The following SIK3 variants were observed in gnomAD, a reference collection of about 807,000 sequenced individuals.
SIK3 encodes the protein serine/threonine-protein kinase SIK3.
Under a neutral mutation model 144.2 loss-of-function variants are expected in SIK3, and 28 were observed. That is an observed-to-expected ratio of 0.19 (90% CI 0.14 to 0.27). The LOEUF (loss-of-function observed/expected upper bound fraction) is 0.27. SIK3 is among the 10% of genes least tolerant of loss of function. SIK3 has a pLI of 1.00. For synonymous variants in SIK3, 686 were observed against 676.3 expected (o/e 1.01, Z -0.22); for missense variants, 1,319 against 1,776.0 (o/e 0.74, Z 4.62).
chr11:116,851,471 G>A (rs1310177224), intron 21 of SIK3, among the ~76,000 whole-genome samples: 1 of 152,172 alleles, frequency 6.6e-6, no homozygotes, highest in East Asian at 1.9e-4. Flanking sequence ...ATTAAGGTTA[G>A]GCTGGGACTT....
chr11:116,865,269 T>C (rs1331533335), intron 15 of SIK3, among the ~76,000 whole-genome samples: 3 of 152,312 alleles, frequency 2.0e-5, no homozygotes, highest in African/African-American at 7.2e-5. Context: ...GTTCTTCAAG[T>C]AGCAATACAG....
intron 1 of SIK3, among the ~76,000 whole-genome samples, chr11:116,964,519 G>A (rs1949454412): frequency 1.3e-5 from 2 of 152,108 alleles, no homozygotes; most frequent in Non-Finnish European, 2.9e-5. Context: ...ACTCTACATG[G>A]CCAGCAAAGA....
intron 12 of SIK3, 119 bp from the exon 13 acceptor site, chr11:116,873,755 C>T (rs1280881837): frequency 9.6e-6 from 14 of 1,457,840 alleles, no homozygotes; most frequent in South Asian, 5.5e-5. Flanking sequence ...GACTAGAGGA[C>T]GCTTCCCGCT....
intron 6 of SIK3, among the ~76,000 whole-genome samples, chr11:116,883,405 T>TA: frequency 6.6e-6 from 1 of 152,304 alleles, no homozygotes; most frequent in East Asian, 1.9e-4. Context: ...CAGAAATAAT[T>TA]AAAAAGTAAA....
At chr11:116,991,430 G>A (rs549920214) in intron 1 of SIK3, among the ~76,000 whole-genome samples, 2 of 152,306 alleles carry the variant, frequency 1.3e-5, no homozygotes, top group East Asian at 3.9e-4. Flanking sequence ...ATGGGCAATA[G>A]AGCAAGGCGC....
intron 1 of SIK3, among the ~76,000 whole-genome samples, chr11:116,969,465 A>G (rs1949691547): frequency 6.6e-6 from 1 of 152,126 alleles, no homozygotes; most frequent in African/African-American, 2.4e-5. Flanking sequence ...ATAATGTCAT[A>G]ATAAAACTAA....
intron 3 of SIK3, among the ~76,000 whole-genome samples, chr11:116,936,016 T>C (rs1457156438): frequency 1.3e-5 from 2 of 152,206 alleles, no homozygotes; most frequent in Non-Finnish European, 2.9e-5. Context: ...GGCTCACACC[T>C]GTGATCCCAG....
chr11:117,038,452 G>C (rs1952606002), intron 1 of SIK3, among the ~76,000 whole-genome samples: 5 of 151,062 alleles, frequency 3.3e-5, no homozygotes, highest in Middle Eastern at 3.2e-3. Flanking sequence ...TGCCTCCCAG[G>C]TTCAAGCGAT....
intron 1 of SIK3, among the ~76,000 whole-genome samples, chr11:116,975,985 T>C (rs1287193891): frequency 1.3e-5 from 2 of 152,208 alleles, no homozygotes; most frequent in Non-Finnish European, 2.9e-5. Flanking sequence ...AATCTTTCCA[T>C]GTGTTTGTGG....
chr11:116,941,965 A>G (rs946170545), intron 3 of SIK3, among the ~76,000 whole-genome samples: 2 of 152,214 alleles, frequency 1.3e-5, no homozygotes, highest in African/African-American at 4.8e-5. Flanking sequence ...CCTTCATAAT[A>G]TAAGGCTGAA....
At chr11:117,070,603 C>G (rs1045271007) in intron 1 of SIK3, among the ~76,000 whole-genome samples, 1 of 152,102 alleles carries the variant, frequency 6.6e-6, no homozygotes, top group East Asian at 1.9e-4. Flanking sequence ...CCCGCCATCA[C>G]ACGAGCTAAT....
chr11:116,923,612 T>C (rs1310907758), intron 4 of SIK3, among the ~76,000 whole-genome samples: 1 of 152,230 alleles, frequency 6.6e-6, no homozygotes, highest in Non-Finnish European at 1.5e-5. Context: ...AAAGACTGCA[T>C]GAGCAAAGCT....
In SIK3 at chr11:116,867,463, C is replaced by T. The variant is rs1454207884; in HGVS notation, c.1952+483G>A. On this transcript the variant is annotated intron_variant, in intron 15 of 24. Coordinates refer to ENST00000445177, the MANE Select transcript of SIK3 (RefSeq NM_001366686.3). This position sits in a 1 kb window ranked among gnomAD's most constrained non-coding sequence, Gnocchi z 4.1. ...AGAATGACCTCTTAAATACATCGCTCAAGAGGATCTCTGCTCTACTATTCA... is the reference window on the plus strand; with the variant it reads ...AGAATGACCTCTTAAATACATCGCTTAAGAGGATCTCTGCTCTACTATTCA... 6.6e-6 allele frequency among the ~76,000 whole-genome samples: 1 copy of T among 152,176 alleles called. No individual in the cohort carries two copies.
chr11:116,901,442 C>T (rs543210456), intron 4 of SIK3, among the ~76,000 whole-genome samples: 7 of 152,272 alleles, frequency 4.6e-5, no homozygotes, highest in African/African-American at 1.7e-4. Flanking sequence ...CTAAAATTAA[C>T]TTAATGATCA....
chr11:116,969,106 C>T (rs1231270256), intron 1 of SIK3, among the ~76,000 whole-genome samples: 4 of 151,850 alleles, frequency 2.6e-5, no homozygotes, highest in African/African-American at 4.8e-5. Context: ...CTGGCTAACA[C>T]GGTGAAACCT....
chr11:117,074,943 A>AC (rs1954444936), intron 1 of SIK3, among the ~76,000 whole-genome samples: 1 of 151,796 alleles, frequency 6.6e-6, no homozygotes, highest in Non-Finnish European at 1.5e-5. Context: ...AAAAAAAAAA[A>AC]CAACTCAAAT....
At chr11:116,996,714 AGAGGCTGAGGCATAGGAATC>A in intron 1 of SIK3, among the ~76,000 whole-genome samples, 1 of 149,642 alleles carries the variant, frequency 6.7e-6, no homozygotes, top group Non-Finnish European at 1.5e-5. Context: ...CAGCTACTCA[AGAGGCTGAGGCATAGGAATC>A]GCTTGAACTC....
Position 116,963,889 on chromosome 11 carries a change from A to G in SIK3, c.274-6825T>C, listed in dbSNP as rs529961421. On this transcript the variant is annotated intron_variant, in intron 1 of 24. Transcript: ENST00000445177. ...AATTTACTAGAAAATAGAATTGTCA[A>G]CAGAAAACAAATTTAAAAGAACCCC... is the stretch of plus-strand genomic sequence containing the variant. Among the ~76,000 whole-genome samples, 7 of 152,360 alleles carry G rather than the reference A, an allele frequency of 4.6e-5. No individual in the cohort carries two copies. In the South Asian group the frequency reaches 1.2e-3, roughly 27 times the overall value.
Position 116,998,969 on chromosome 11 carries a change from A to G in SIK3, c.274-41905T>C, listed in dbSNP as rs554566440. On this transcript the variant is annotated intron_variant, in intron 1 of 24. Coordinates refer to ENST00000445177, the MANE Select transcript of SIK3 (RefSeq NM_001366686.3). ...TATTTTTACTAAGTGACCCATTTTGAGTAAGTTAAGATAAAACTGACAAAT... is the reference window on the plus strand; with the variant it reads ...TATTTTTACTAAGTGACCCATTTTGGGTAAGTTAAGATAAAACTGACAAAT... Among the ~76,000 whole-genome samples the G allele has an allele frequency of 3.9e-5, 6 of 152,372 alleles. No homozygotes were observed. The South Asian group carries it at 1.0e-3, about 26-fold the overall frequency.
Sources: allele counts gnomAD v4.1 joint callset (sites outside exome capture counted in the v4.1 genomes callset), GRCh38; gene constraint gnomAD v4.1.1; non-coding constraint Gnocchi (gnomAD v3.1); transcripts MANE v1.5; gene names NCBI Gene and HGNC (gene_info 2026-07-23, HGNC 2026-07-21).